TAX1BP1: variants seen among roughly 807,000 people sequenced by gnomAD.
TAX1BP1 encodes the protein tax1-binding protein 1.
In TAX1BP1, 62 loss-of-function variants were observed where a neutral mutation model predicts 97.7. The observed-to-expected ratio is 0.63, with a 90% CI of 0.52 to 0.78. The LOEUF is 0.78. Among genes scored for constraint, TAX1BP1 ranks in the 30% least tolerant of loss-of-function variants. The probability of loss-of-function intolerance (pLI) is 0.00; values close to 1 mark genes in which losing one functional copy is unlikely to be tolerated. For synonymous variants in TAX1BP1, 340 were observed against 304.2 expected, an observed-to-expected ratio of 1.12 and a Z score of -1.23; for missense variants, 867 against 916.1, an observed-to-expected ratio of 0.95 and a Z score of 0.69.
chr7:27,805,070 A>G (rs1024377521), intron 13 of TAX1BP1, among the ~76,000 whole-genome samples: 2 of 152,202 alleles, frequency 1.3e-5, no homozygotes, highest in African/African-American at 4.8e-5. Context: ...GGGTAAATGC[A>G]TGTGTAGTTT....
At chr7:27,750,575 A>C (rs537227266) in intron 2 of TAX1BP1, among the ~76,000 whole-genome samples, 9 of 152,334 alleles carry the variant, frequency 5.9e-5, no homozygotes, top group African/African-American at 2.2e-4. Flanking sequence ...ATTGGAGATA[A>C]GTTTCATTCT....
intron 15 of TAX1BP1, among the ~76,000 whole-genome samples, chr7:27,823,526 A>G (rs1791057666): frequency 6.6e-6 from 1 of 152,216 alleles, no homozygotes. Flanking sequence ...CTAAGTAGAG[A>G]GTCCCACAGT....
intron 5 of TAX1BP1, among the ~76,000 whole-genome samples, chr7:27,784,740 C>T (rs1789407042): frequency 6.6e-6 from 1 of 151,970 alleles, no homozygotes; most frequent in Admixed American, 6.6e-5. Flanking sequence ...CCTGTAGTCC[C>T]AGCACTTTTG....
chr7:27,767,484 C>T (rs1031681001), intron 4 of TAX1BP1, among the ~76,000 whole-genome samples: 2 of 152,080 alleles, frequency 1.3e-5, no homozygotes, highest in African/African-American at 4.8e-5. Context: ...TTTCCTTCCC[C>T]TTTACAGAAA....
intron 5 of TAX1BP1, among the ~76,000 whole-genome samples, chr7:27,781,151 A>G (rs967950893): frequency 6.6e-6 from 1 of 152,210 alleles, no homozygotes; most frequent in Non-Finnish European, 1.5e-5. Flanking sequence ...CCACAAAAAT[A>G]GTGCTTGGAT....
At chr7:27,800,914 C>A (rs1790109484) in intron 13 of TAX1BP1, among the ~76,000 whole-genome samples, 1 of 151,842 alleles carries the variant, frequency 6.6e-6, no homozygotes, top group Non-Finnish European at 1.5e-5. Context: ...ACCAGCCTGG[C>A]CAACATAGTG....
chr7:27,740,043 G>C (rs976148740), upstream of TAX1BP1: 6 of 152,302 alleles, frequency 3.9e-5, no homozygotes, highest in African/African-American at 1.4e-4. Flanking sequence ...CCGCGGCGGA[G>C]TGGGCTGGGG....
intron 1 of TAX1BP1, among the ~76,000 whole-genome samples, chr7:27,747,802 TA>T (rs1787880496): frequency 6.6e-6 from 1 of 151,126 alleles, no homozygotes; most frequent in Non-Finnish European, 1.5e-5. Context: ...TATATTCGTA[TA>T]CACACCCACA....
intron 2 of TAX1BP1, among the ~76,000 whole-genome samples, chr7:27,754,605 C>G (rs1319096852): frequency 6.6e-6 from 1 of 151,980 alleles, no homozygotes; most frequent in Non-Finnish European, 1.5e-5. Flanking sequence ...GACAGTCTCG[C>G]TCTATCGCCG....
At chr7:27,781,369 C>T (rs1009236039) in intron 5 of TAX1BP1, among the ~76,000 whole-genome samples, 5 of 152,132 alleles carry the variant, frequency 3.3e-5, no homozygotes, top group African/African-American at 9.7e-5. Flanking sequence ...TATCCTACTG[C>T]GCACCTAGGC....
intron 13 of TAX1BP1, among the ~76,000 whole-genome samples, chr7:27,809,516 C>T (rs566570367): frequency 6.6e-6 from 1 of 152,292 alleles, no homozygotes; most frequent in East Asian, 1.9e-4. Flanking sequence ...TAAGAACCTT[C>T]TCTAAGTCCA....
At chr7:27,745,610 T>G (rs1257983875) in intron 1 of TAX1BP1, among the ~76,000 whole-genome samples, 1 of 152,076 alleles carries the variant, frequency 6.6e-6, no homozygotes, top group Non-Finnish European at 1.5e-5. Context: ...TGGAGAGAGA[T>G]TAATGAAGGC....
chr7:27,767,580 G>C (rs1562708606), intron 4 of TAX1BP1, among the ~76,000 whole-genome samples: 1 of 152,080 alleles, frequency 6.6e-6, no homozygotes, highest in Non-Finnish European at 1.5e-5. Flanking sequence ...AAGGTTTTTA[G>C]CTTTGTATTT....
At chr7:27,792,739 A>G (rs112602715) in intron 9 of TAX1BP1, among the ~76,000 whole-genome samples, 4,564 of 152,124 alleles carry the variant, frequency 0.03, 102 homozygotes, top group Middle Eastern at 0.071. Context: ...AGGTGGGAAG[A>G]TCGCTTGATC....
chr7:27,787,957 C>T (rs1372484987), intron 8 of TAX1BP1, among the ~76,000 whole-genome samples: 1 of 152,042 alleles, frequency 6.6e-6, no homozygotes, highest in Non-Finnish European at 1.5e-5. Flanking sequence ...AACAGTCATT[C>T]TCATAGTTAG....
intron 13 of TAX1BP1, among the ~76,000 whole-genome samples, chr7:27,815,418 G>GGGAC (rs2128324629): frequency 6.6e-6 from 1 of 152,186 alleles, no homozygotes; most frequent in Non-Finnish European, 1.5e-5. Context: ...TTATTAAAAG[G>GGGAC]TAAATTACAT....
At chr7:27,774,632 A>T (rs1278027632) in intron 5 of TAX1BP1, among the ~76,000 whole-genome samples, 5 of 152,024 alleles carry the variant, frequency 3.3e-5, no homozygotes, top group East Asian at 3.8e-4. Context: ...AAAATGATTT[A>T]AAAAAACATA....
At chr7:27,814,542 C>T (rs1304461877) in intron 13 of TAX1BP1, among the ~76,000 whole-genome samples, 1 of 152,028 alleles carries the variant, frequency 6.6e-6, no homozygotes. Context: ...CTTCTTAATG[C>T]ATTATTTTGT....
At chr7:27,811,686 G>A (rs1790565500) in intron 13 of TAX1BP1, among the ~76,000 whole-genome samples, 2 of 151,572 alleles carry the variant, frequency 1.3e-5, no homozygotes, top group Admixed American at 6.6e-5. Flanking sequence ...ATGTAGTTCT[G>A]TAACTACCGT....
Sources: allele counts gnomAD v4.1 joint callset (sites outside exome capture counted in the v4.1 genomes callset), GRCh38; gene constraint gnomAD v4.1.1; transcripts MANE v1.5; gene names NCBI Gene and HGNC (gene_info 2026-07-23, HGNC 2026-07-21).